VPS13D: variants seen among roughly 807,000 people sequenced by gnomAD.
The protein encoded by VPS13D is intermembrane lipid transfer protein VPS13D.
In VPS13D, 187 loss-of-function variants were observed where a neutral mutation model predicts 461.9. The ratio of observed to expected loss-of-function variants is 0.40; its 90% CI spans 0.36 to 0.46. The LOEUF (loss-of-function observed/expected upper bound fraction) is 0.46, where lower values mean the gene tolerates loss of function less well. Ranked by LOEUF, VPS13D falls within the 20% of genes least tolerant of loss-of-function variation. VPS13D has a pLI of 0.60. For missense variants in VPS13D, 4,711 were observed against 5,364.9 expected, an observed-to-expected ratio of 0.88 and a Z score of 3.81; for synonymous variants, 1,951 against 1,986.3, an observed-to-expected ratio of 0.98 and a Z score of 0.47.
chr1:12,505,430 C>G lies in VPS13D; in HGVS notation c.12795-1423C>G, dbSNP rs1050669782. On this transcript the variant is annotated intron_variant, in intron 68 of 69. Coordinates refer to ENST00000620676, the MANE Select transcript of VPS13D (RefSeq NM_015378.4). This position sits in a 1 kb window ranked among gnomAD's most constrained non-coding sequence, Gnocchi z 4.2. ...TTTCAGCATTGAGACTTTACAAGTC[C>G]ACATTCTTGGCATTGCCAACCAGTT... is the stretch of plus-strand genomic sequence containing the variant. Among the ~76,000 whole-genome samples, 2 of 152,210 alleles carry G rather than the reference C, an allele frequency of 1.3e-5. No individual in the cohort carries two copies. Among genetic ancestry groups the G allele is most frequent in the Admixed American group, 6.5e-5 (1 of 15,278 alleles).
intron 57 of VPS13D, among the ~76,000 whole-genome samples, chr1:12,381,287 G>T (rs1644268666): frequency 6.6e-6 from 1 of 152,154 alleles, no homozygotes; most frequent in South Asian, 2.1e-4. Flanking sequence ...CTTTCTTTGT[G>T]TTGAAACCTG....
chr1:12,447,269 G>A (rs1323636008), intron 65 of VPS13D, among the ~76,000 whole-genome samples: 1 of 152,142 alleles, frequency 6.6e-6, no homozygotes, highest in Non-Finnish European at 1.5e-5. Flanking sequence ...TCATGGTTGG[G>A]TTACCTCTCT....
intron 67 of VPS13D, among the ~76,000 whole-genome samples, chr1:12,484,696 C>G (rs1645773046): frequency 6.6e-6 from 1 of 152,228 alleles, no homozygotes. Flanking sequence ...GCCCAGCAGT[C>G]TCAATCCTGG....
intron 31 of VPS13D, 78 bp from the exon 32 acceptor site, chr1:12,319,419 C>T: frequency 6.3e-7 from 1 of 1,584,976 alleles, no homozygotes; most frequent in Non-Finnish European, 8.6e-7. Flanking sequence ...TGGAAATGCG[C>T]TCGCTGCCTT....
rs1186587378 is a variant in VPS13D at position 12,338,317 on chromosome 1, C to G, written c.8626+12C>G. ...GATCTATGCTAGAGGTACAGTATAG[C>G]CAAGCGAGGGCTTGCTTTATTTTCC... On this transcript the variant is annotated intron_variant, in intron 40 of 69. Coordinates refer to ENST00000620676, the MANE Select transcript of VPS13D (RefSeq NM_015378.4). 2 of 1,611,436 alleles carry G rather than the reference C, an allele frequency of 1.2e-6. No individual in the cohort carries two copies. Among genetic ancestry groups the G allele is most frequent in the Non-Finnish European group, 1.7e-6 (2 of 1,178,256 alleles).
chr1:12,363,118 G>A lies in VPS13D; in HGVS notation c.10319G>A (p.Ser3440Asn). The A allele has an allele frequency of 6.2e-7, 1 of 1,614,220 alleles. No homozygotes were observed. The highest frequency in any genetic ancestry group is 8.5e-7 in the Non-Finnish European group (1 of 1,180,036). ...EGYISTLPGS[S>N]VVFHWPRNDY... is the part of the protein sequence containing the mutation. ...TACATTTCCACCCTTCCTGGTTCCAGTGTGGTGTTCCACTGGCCTCGGAAT... is the reference window on the plus strand; with the variant it reads ...TACATTTCCACCCTTCCTGGTTCCAATGTGGTGTTCCACTGGCCTCGGAAT... The change falls in exon 52 of 70, where the codon AGT (serine) becomes AAT (asparagine). Residue 3440 changes from serine to asparagine, a missense_variant. Physicochemically the swap from Ser to Asn is conservative, Grantham distance 46. Transcript: ENST00000620676.
intron 2 of VPS13D, 32 bp downstream of exon 2, chr1:12,234,395 A>G (rs776712563): frequency 2.5e-5 from 39 of 1,550,550 alleles, no homozygotes; most frequent in Non-Finnish European, 2.6e-6. Flanking sequence ...ATACAGCTTT[A>G]TAGGTGGCGT....
intron 27 of VPS13D, among the ~76,000 whole-genome samples, chr1:12,310,821 TTCC>T (rs1557701305): frequency 1.7e-5 from 1 of 57,188 alleles, no homozygotes; most frequent in African/African-American, 6.7e-5. Context: ...CCCTCCCTCC[TTCC>T]CTCCTTCCTT....
intron 67 of VPS13D, among the ~76,000 whole-genome samples, chr1:12,481,496 G>T (rs1002405855): frequency 8.5e-5 from 13 of 152,184 alleles, no homozygotes; most frequent in African/African-American, 3.1e-4. Flanking sequence ...GTTGGTTCTT[G>T]TTTCCTAGAA....
At chr1:12,241,080 A>G (rs943894014) in intron 2 of VPS13D, among the ~76,000 whole-genome samples, 1 of 152,002 alleles carries the variant, frequency 6.6e-6, no homozygotes, top group African/African-American at 2.4e-5. Context: ...AGCTGGGACT[A>G]CAGATGTGTG....
At chr1:12,314,695 G>C (rs1642843370) in intron 30 of VPS13D, among the ~76,000 whole-genome samples, 1 of 152,286 alleles carries the variant, frequency 6.6e-6, no homozygotes, top group South Asian at 2.1e-4. Context: ...GGAAGGGAAG[G>C]TGGGTTTGAC....
chr1:12,456,994 C>G (rs1225666488), intron 66 of VPS13D, among the ~76,000 whole-genome samples: 1 of 152,186 alleles, frequency 6.6e-6, no homozygotes, highest in African/African-American at 2.4e-5. Flanking sequence ...TTTAGTTTTA[C>G]ATAAATGTGC....
chr1:12,476,235 G>T (rs975959959), intron 67 of VPS13D, among the ~76,000 whole-genome samples: 1 of 152,198 alleles, frequency 6.6e-6, no homozygotes, highest in Admixed American at 6.5e-5. Flanking sequence ...CATGTTCCTG[G>T]AATATTGTCA....
rs756820834 is a variant in VPS13D, at chr1:12,354,159, C to T, written c.9617C>T (p.Thr3206Met). The change falls in exon 47 of 70, where the codon ACG (threonine) becomes ATG (methionine). Residue 3206 changes from threonine (T) to methionine (M), a missense_variant. Around this residue, in one of 3 missense-constraint regions of VPS13D, gnomAD observed 4,411 missense variants for 4,937.8 expected, o/e 0.89. Transcript: ENST00000620676. Reference sequence around the variant, plus strand: ...GTTAAAGGAATGCCAATTAATGGGACGCTGAAACCTGGCAAGGAGGCAGCT... The same window carrying T: ...GTTAAAGGAATGCCAATTAATGGGATGCTGAAACCTGGCAAGGAGGCAGCT... Reference protein sequence around the residue: ...FYVKGMPINGTLKPGKEAALH... With the variant: ...FYVKGMPINGMLKPGKEAALH... The T allele has an allele frequency of 5.2e-5, 84 of 1,614,006 alleles. No individual in the cohort carries two copies. Among genetic ancestry groups the T allele is most frequent in the South Asian group, 9.9e-5 (9 of 91,080 alleles).
At chr1:12,352,811 A>C (rs555947230) in intron 46 of VPS13D, among the ~76,000 whole-genome samples, 1 of 151,890 alleles carries the variant, frequency 6.6e-6, no homozygotes, top group Non-Finnish European at 1.5e-5. Context: ...TAAAAATACA[A>C]CAAATTAGCC....
At chr1:12,341,918 C>G (rs1259919629) in intron 41 of VPS13D, 33 bp downstream of exon 41, 17 of 1,604,822 alleles carry the variant, frequency 1.1e-5, no homozygotes, top group African/African-American at 1.3e-5. Context: ...CCCGAGTCAT[C>G]TCTGCCACCA....
rs143150955 is a variant in VPS13D, at chr1:12,460,871, T to C, written c.12662+475T>C. Among the ~76,000 whole-genome samples, 679 of 152,146 alleles carry C rather than the reference T, an allele frequency of 4.5e-3. 4 individuals carry two copies. The highest frequency in any genetic ancestry group is 0.015 in the African/African-American group (610 of 41,498). ...CCACTGTTGTTGTTCACCATGTGGG[T>C]CTGTTCCTTCTTAATTTTCCTTCCG... is the stretch of plus-strand genomic sequence containing the variant. On this transcript the variant is annotated intron_variant, in intron 67 of 69. Coordinates refer to ENST00000620676, the MANE Select transcript of VPS13D (RefSeq NM_015378.4).
intron 65 of VPS13D, among the ~76,000 whole-genome samples, chr1:12,418,993 T>C (rs542090955): frequency 6.6e-6 from 1 of 152,344 alleles, no homozygotes; most frequent in African/African-American, 2.4e-5. Context: ...ATTGGCCCTT[T>C]ATTCTCCTTG....
At chr1:12,394,357 C>T (rs1396400953) in intron 60 of VPS13D, among the ~76,000 whole-genome samples, 3 of 152,158 alleles carry the variant, frequency 2.0e-5, no homozygotes, top group African/African-American at 7.2e-5. Flanking sequence ...ATTAATTAGC[C>T]AGTGCCAGAG....
Sources: gnomAD v4.1 joint callset for allele counts (sites outside exome capture counted in the v4.1 genomes callset) on GRCh38, gnomAD v4.1.1 for gene constraint, gnomAD v4.1.1 regional missense constraint, Gnocchi (gnomAD v3.1) non-coding constraint, MANE v1.5 for transcripts, NCBI Gene and HGNC (gene_info 2026-07-23, HGNC 2026-07-21) for gene names.